Variants in INPP5F observed in about 807,000 individuals in gnomAD.
INPP5F encodes the protein inositol polyphosphate-5-phosphatase F.
INPP5F carries 97 observed loss-of-function variants against 137.2 expected under a neutral mutation model. The observed-to-expected ratio is 0.71, with a 90% confidence interval of 0.60 to 0.84. The LOEUF (loss-of-function observed/expected upper bound fraction) is 0.84. Among genes scored for constraint, INPP5F ranks in the 40% least tolerant of loss-of-function variants. The pLI is 0.00. For synonymous variants in INPP5F, 504 were observed against 476.9 expected (o/e 1.06, Z -0.74); for missense variants, 1,271 against 1,371.9 (o/e 0.93, Z 1.16).
intron 15 of INPP5F, chr10:119,816,230 T>G (rs1851271188): frequency 6.6e-6 from 1 of 152,500 alleles, no homozygotes; most frequent in African/African-American, 2.4e-5. Flanking sequence ...GAGCAGGGGC[T>G]GGCTCTCAGA....
At chr10:119,782,901 G>A (rs922450108) in intron 3 of INPP5F, among the ~76,000 whole-genome samples, 2 of 152,106 alleles carry the variant, frequency 1.3e-5, no homozygotes, top group African/African-American at 4.8e-5. Flanking sequence ...GAACTTTGGG[G>A]ACAGGGTTAA....
Position 119,791,999 on chromosome 10 carries a change from G to T in INPP5F, c.575G>T (p.Ser192Ile). Residue 192 changes from serine (S) to isoleucine (I), a missense_variant, in exon 5 of 20, where the codon AGC becomes ATC. Physicochemically the swap from Ser to Ile is moderately radical, Grantham distance 142. Coordinates refer to ENST00000650623, the MANE Select transcript of INPP5F (RefSeq NM_014937.4). ...CTGACCAATTCCGTGCAGAGGCAGA[G>T]CACTGGGGAGAGGGACGGTCGGCCC... The part of the protein sequence containing the change: ...YDLTNSVQRQ[S>I]TGERDGRPLW... 1 of 1,614,248 alleles carries T rather than the reference G, an allele frequency of 6.2e-7. No individual in the cohort carries two copies. The highest frequency in any genetic ancestry group is 8.5e-7 in the Non-Finnish European group (1 of 1,180,044).
At position 119,806,441 on chromosome 10, in the gene INPP5F, G is replaced by T; in HGVS notation, c.1401G>T (p.Val467=). 1 of 1,609,160 alleles carries T rather than the reference G, an allele frequency of 6.2e-7. No homozygotes were observed. Among genetic ancestry groups the T allele is most frequent in the Non-Finnish European group, 8.5e-7 (1 of 1,177,938 alleles). The change falls in exon 12 of 20, where the codon GTG becomes GTT. Residue 467 remains valine (V), a synonymous_variant. Transcript: ENST00000650623. Reference sequence around the variant, plus strand: ...TGGACTGCCTGGATCGCACCAACGTGGTCCAAGCTGCCATCGCGAGAGTGG... The same window carrying T: ...TGGACTGCCTGGATCGCACCAACGTTGTCCAAGCTGCCATCGCGAGAGTGG... ...NCMDCLDRTN[V]VQAAIARVVM... is the part of the protein sequence containing the mutation.
chr10:119,745,436 T>C (rs935833265), intron 1 of INPP5F, among the ~76,000 whole-genome samples: 1 of 152,034 alleles, frequency 6.6e-6, no homozygotes, highest in South Asian at 2.1e-4. Context: ...CAAGTGGGTT[T>C]CTTACTCCCA....
chr10:119,780,761 A>G (rs1849673958), intron 2 of INPP5F, among the ~76,000 whole-genome samples: 3 of 152,214 alleles, frequency 2.0e-5, no homozygotes, highest in African/African-American at 7.2e-5. Context: ...ATTATTGCTT[A>G]AACAATACAG....
intron 6 of INPP5F, among the ~76,000 whole-genome samples, chr10:119,794,094 T>A (rs1318208825): frequency 1.3e-5 from 2 of 152,008 alleles, no homozygotes; most frequent in African/African-American, 4.8e-5. Context: ...CACAGGACAA[T>A]AGTGGAGGGA....
chr10:119,782,709 G>T (rs1849749286), intron 3 of INPP5F, among the ~76,000 whole-genome samples: 1 of 152,124 alleles, frequency 6.6e-6, no homozygotes, highest in Non-Finnish European at 1.5e-5. Flanking sequence ...AACAAATAAA[G>T]GAGGCCTGGC....
Position 119,820,836 on chromosome 10 carries a change from A to G in INPP5F, c.1887-10A>G, listed in dbSNP as rs758146421. 6 of 1,595,880 alleles carry G rather than the reference A, an allele frequency of 3.8e-6. No homozygotes were observed. In the East Asian group the frequency reaches 1.3e-4, roughly 36 times the overall value. ...GAAAATACTTAATCTCCTGTGTCAT[A>G]TTTGTTTAGCCTCATTGATGCTACT... On this transcript the variant is annotated splice_polypyrimidine_tract_variant and intron_variant, in intron 15 of 19. Transcript: ENST00000650623.
chr10:119,792,061 G>C (rs1425164481), intron 5 of INPP5F, 25 bp downstream of exon 5: 4 of 1,614,190 alleles, frequency 2.5e-6, no homozygotes. Context: ...TCGTAGAGCA[G>C]GGTTTGCACT....
At position 119,823,148 on chromosome 10, in the gene INPP5F, T is replaced by A; in HGVS notation, c.2110T>A (p.Tyr704Asn). The change falls in exon 18 of 20, where the codon TAT becomes AAT. Residue 704 changes from tyrosine (Y) to asparagine (N), a missense_variant. By Grantham distance (143) the Tyr-to-Asn change is moderately radical. Around this residue, in one of 6 missense-constraint regions of INPP5F, gnomAD observed 593 missense variants for 712.4 expected, o/e 0.83. Coordinates refer to ENST00000650623, the MANE Select transcript of INPP5F (RefSeq NM_014937.4). Reference protein sequence around the residue: ...LHYRYKEASGYFHTLRAVMRN... With the variant: ...LHYRYKEASGNFHTLRAVMRN... ...CTACAGATACAAAGAAGCGAGTGGC[T>A]ATTTCCACACATTGCGAGCTGTAAT... is the stretch of plus-strand genomic sequence containing the variant. 1 of 1,614,110 alleles carries A rather than the reference T, an allele frequency of 6.2e-7. No homozygotes were observed. Among genetic ancestry groups the A allele is most frequent in the Non-Finnish European group, 8.5e-7 (1 of 1,179,970 alleles).
At chr10:119,793,737 C>T (rs187838213) in intron 6 of INPP5F, 1 of 152,378 alleles carries the variant, frequency 6.6e-6, no homozygotes, top group Admixed American at 6.5e-5. Context: ...ACTTCACCTC[C>T]CGGGTTCAAG....
At chr10:119,742,187 G>A (rs196227) in intron 1 of INPP5F, among the ~76,000 whole-genome samples, 56,444 of 148,676 alleles carry the variant, frequency 0.38, 10,663 homozygotes, top group South Asian at 0.47. Context: ...ACAGAGTCTC[G>A]CTCTGTTGTC....
intron 2 of INPP5F, among the ~76,000 whole-genome samples, chr10:119,763,445 G>A (rs1849063971): frequency 6.6e-6 from 1 of 152,184 alleles, no homozygotes. Context: ...ATCACCTTTG[G>A]GCTTGTTCTG....
intron 3 of INPP5F, among the ~76,000 whole-genome samples, chr10:119,789,523 G>C (rs546681619): frequency 5.9e-5 from 9 of 152,166 alleles, no homozygotes; most frequent in Admixed American, 5.9e-4. Flanking sequence ...ATGGGAGAAG[G>C]GGAGTGATGG....
intron 2 of INPP5F, among the ~76,000 whole-genome samples, chr10:119,767,831 C>T (rs1006085692): frequency 6.6e-6 from 1 of 152,128 alleles, no homozygotes. Flanking sequence ...GTTCAAGTCA[C>T]CAGAAAGAAT....
intron 19 of INPP5F, among the ~76,000 whole-genome samples, chr10:119,825,038 T>C (rs1302064884): frequency 1.3e-5 from 2 of 152,240 alleles, no homozygotes; most frequent in South Asian, 2.1e-4. Context: ...TTGGAAAACA[T>C]ACTCCTTTAC....
At chr10:119,760,316 G>A (rs578193364) in intron 2 of INPP5F, among the ~76,000 whole-genome samples, 2 of 152,280 alleles carry the variant, frequency 1.3e-5, no homozygotes, top group African/African-American at 4.8e-5. Context: ...GCGCGTGCCT[G>A]TAGTCCCAGC....
intron 15 of INPP5F, among the ~76,000 whole-genome samples, chr10:119,813,638 C>T (rs2134265483): frequency 6.6e-6 from 1 of 152,016 alleles, no homozygotes; most frequent in East Asian, 1.9e-4. Context: ...AAAAACAAAA[C>T]AAAACAAACA....
At chr10:119,727,731 G>A (rs916205840) in intron 1 of INPP5F, among the ~76,000 whole-genome samples, 1 of 152,210 alleles carries the variant, frequency 6.6e-6, no homozygotes, top group Non-Finnish European at 1.5e-5. Context: ...CCCAGATAAA[G>A]TTCTTGATGA....
Sources: gnomAD v4.1 joint callset for allele counts (sites outside exome capture counted in the v4.1 genomes callset) on GRCh38, gnomAD v4.1.1 for gene constraint, gnomAD v4.1.1 regional missense constraint, MANE v1.5 for transcripts, NCBI Gene and HGNC (gene_info 2026-07-23, HGNC 2026-07-21) for gene names.